GTSE1: variants seen among roughly 807,000 people sequenced by gnomAD.
GTSE1 encodes G2 and S phase-expressed protein 1.
A neutral mutation model predicts 60.5 loss-of-function variants in GTSE1; 52 were observed. That is an observed-to-expected ratio of 0.86 (90% CI 0.69 to 1.08). The LOEUF (loss-of-function observed/expected upper bound fraction) is 1.08. Among genes scored for constraint, GTSE1 ranks in the 50% least tolerant of loss-of-function variants. The pLI is 0.00. For synonymous variants in GTSE1, 368 were observed against 386.5 expected (o/e 0.95, Z 0.56); for missense variants, 937 against 961.8 (o/e 0.97, Z 0.34).
intron 2 of GTSE1, among the ~76,000 whole-genome samples, chr22:46,299,959 A>AT (rs130640): frequency 0.17 from 17,116 of 100,150 alleles, 1,932 homozygotes; most frequent in Non-Finnish European, 0.22. Context: ...CGCCCAGCTA[A>AT]TTTTTTTTTT....
chr22:46,326,504 G>T lies in GTSE1; in HGVS notation c.1574G>T (p.Trp525Leu). 1 of 1,613,992 alleles carries T rather than the reference G, an allele frequency of 6.2e-7. No individual in the cohort carries two copies. Among genetic ancestry groups the T allele is most frequent in the Non-Finnish European group, 8.5e-7 (1 of 1,179,896 alleles). ...GPAPQSLLSA[W>L]RVSALPTPAS... ...GCACCACAAAGCCTGCTGAGCGCATGGCGTGTGTCAGCCTTGCCCACACCC... is the reference window on the plus strand; with the variant it reads ...GCACCACAAAGCCTGCTGAGCGCATTGCGTGTGTCAGCCTTGCCCACACCC... Residue 525 changes from tryptophan (W) to leucine (L), a missense_variant, in exon 9 of 12, where the codon TGG (tryptophan) becomes TTG (leucine). Physicochemically the swap from Trp to Leu is moderately conservative, Grantham distance 61. Transcript: ENST00000454366.
chr22:46,328,791 T>C lies in GTSE1; in HGVS notation c.1828T>C (p.Phe610Leu), dbSNP rs769697000. 1 of 1,614,018 alleles carries C rather than the reference T, an allele frequency of 6.2e-7. No individual in the cohort carries two copies. Among genetic ancestry groups the C allele is most frequent in the Non-Finnish European group, 8.5e-7 (1 of 1,179,878 alleles). Residue 610 changes from phenylalanine (F) to leucine (L), a missense_variant, in exon 10 of 12, where the codon TTT becomes CTT. By Grantham distance (22) the Phe-to-Leu change is conservative. Coordinates refer to ENST00000454366, the MANE Select transcript of GTSE1 (RefSeq NM_016426.7). Reference protein sequence around the residue: ...PPSRVPQALNFSPEESDSTFS... With the variant: ...PPSRVPQALNLSPEESDSTFS... ...TTCCCGTGTGCCTCAGGCACTTAAC[T>C]TTTCTCCAGAGGAAAGCGATTCTAC...
chr22:46,330,223 T>C lies in GTSE1; in HGVS notation c.*93T>C, dbSNP rs1327116913. The C allele has an allele frequency of 1.3e-6, 1 of 772,208 alleles. No individual in the cohort carries two copies. Among genetic ancestry groups the C allele is most frequent in the African/African-American group, 1.7e-5 (1 of 59,020 alleles). The allele number at this position is 772,208 out of a possible 1,614,324, so 47.8% of individuals were successfully genotyped here. On this transcript the variant is annotated 3_prime_UTR_variant, in exon 12 of 12. Transcript: ENST00000454366. This position sits in a 1 kb window ranked among gnomAD's most constrained non-coding sequence, Gnocchi z 6.0. ...TAGGCTGGTCGCAGTGGCTTACACT[T>C]GTAACCCTAGAACTTGGGAGGCTGA...
intron 9 of GTSE1, 69 bp downstream of exon 9, chr22:46,326,723 C>G (rs910219767): frequency 5.2e-5 from 56 of 1,080,426 alleles, no homozygotes; most frequent in African/African-American, 1.6e-5. Context: ...AGTGACATAC[C>G]TTTTTCTTGC....
Position 46,308,462 on chromosome 22 carries a change from C to T in GTSE1, c.281C>T (p.Ala94Val), listed in dbSNP as rs554970789. ...SESPFAWSPL[A>V]GEKFVEVYKE... ...AGTCCCTTTGCCTGGAGCCCTCTGG[C>T]CGGGGAGAAGTTCGTGGAGGTGTAC... is the stretch of plus-strand genomic sequence containing the variant. The change falls in exon 4 of 12, where the codon GCC becomes GTC. Residue 94 changes from alanine (A) to valine (V), a missense_variant. By Grantham distance (64) the Ala-to-Val change is moderately conservative (BLOSUM62 0). Coordinates refer to ENST00000454366, the MANE Select transcript of GTSE1 (RefSeq NM_016426.7). 2 of 1,614,056 alleles carry T rather than the reference C, an allele frequency of 1.2e-6. No homozygotes were observed. The highest frequency in any genetic ancestry group is 1.3e-5 in the African/African-American group (1 of 74,910).
At position 46,304,511 on chromosome 22, in the gene GTSE1, C is replaced by T. The variant is rs2077706085; in HGVS notation, c.80-3639C>T. Among the ~76,000 whole-genome samples, 1 of 152,168 alleles carries T rather than the reference C, an allele frequency of 6.6e-6. No homozygotes were observed. Among genetic ancestry groups the T allele is most frequent in the Non-Finnish European group, 1.5e-5 (1 of 68,038 alleles). On this transcript the variant is annotated intron_variant, in intron 2 of 11. Transcript: ENST00000454366. This position sits in a 1 kb window ranked among gnomAD's most constrained non-coding sequence, Gnocchi z 4.4. ...TGTATTTTATCATATGCCCGTTCAA[C>T]ATATGTGCAGACGATCATGGTTTTC...
In GTSE1 at chr22:46,310,201, G is replaced by T. The variant is rs1407334431; in HGVS notation, c.762+1258G>T. 6.6e-6 allele frequency among the ~76,000 whole-genome samples: 1 copy of T among 152,228 alleles called. No individual in the cohort carries two copies. Among genetic ancestry groups the T allele is most frequent in the Non-Finnish European group, 1.5e-5 (1 of 68,034 alleles). On this transcript the variant is annotated intron_variant, in intron 4 of 11. Transcript: ENST00000454366. The surrounding 1 kb of genome is among the most constrained non-coding windows in gnomAD (Gnocchi z 4.4). The stretch of plus-strand genomic sequence containing the variant: ...GTCATTAGCAATGGGTGGACCACTT[G>T]AGTGTAACACCTACTTACAAGTGTG...
chr22:46,324,398 C>T lies in GTSE1; in HGVS notation c.1505+1136C>T, dbSNP rs993291524. 4.0e-5 allele frequency among the ~76,000 whole-genome samples: 6 copies of T among 151,788 alleles called. No homozygotes were observed. The highest frequency in any genetic ancestry group is 1.2e-4 in the African/African-American group (5 of 41,294). ...TTTCTTTTTTTTTGAGACAGAGTCT[C>T]ACTCTGTCACCCAGGCTGGAGGGCA... On this transcript the variant is annotated intron_variant, in intron 8 of 11. Coordinates refer to ENST00000454366, the MANE Select transcript of GTSE1 (RefSeq NM_016426.7). The surrounding 1 kb of genome is among the most constrained non-coding windows in gnomAD (Gnocchi z 5.2).
intron 2 of GTSE1, among the ~76,000 whole-genome samples, chr22:46,298,621 A>G (rs1452262215): frequency 1.3e-5 from 2 of 152,182 alleles, no homozygotes; most frequent in Non-Finnish European, 2.9e-5. Context: ...AGCATCCTCA[A>G]TGCCTCCATT....
chr22:46,326,863 G>A lies in GTSE1; in HGVS notation c.1724+209G>A, dbSNP rs1235792507. 24 of 479,310 alleles carry A rather than the reference G, an allele frequency of 5.0e-5. No individual in the cohort carries two copies. In the East Asian group the frequency reaches 8.6e-4, roughly 17 times the overall value. 29.7% of individuals were successfully genotyped at this position (479,310 alleles called of 1,614,324 possible). A position where few individuals can be genotyped will look rare whatever the true frequency, so the allele number is the denominator to read the frequency against. ...AAGGTATTACAAGGAAATACTGCGT[G>A]TAATTCTCTGATAATCAATTTGAAA... On this transcript the variant is annotated intron_variant, in intron 9 of 11. Coordinates refer to ENST00000454366, the MANE Select transcript of GTSE1 (RefSeq NM_016426.7).
In GTSE1 at chr22:46,324,376, C is replaced by CT. The variant is rs1049788379; in HGVS notation, c.1505+1123dup. Among the ~76,000 whole-genome samples the CT allele has an allele frequency of 3.3e-5, 5 of 149,910 alleles. No homozygotes were observed. Among genetic ancestry groups the CT allele is most frequent in the Non-Finnish European group, 4.4e-5 (3 of 67,706 alleles). On this transcript the variant is annotated intron_variant, in intron 8 of 11. Transcript: ENST00000454366. The surrounding 1 kb of genome is among the most constrained non-coding windows in gnomAD (Gnocchi z 5.2). ...TTTATTGGAATTTTTCTTTTCTTTT[C>CT]TTTTTTTTTGAGACAGAGTCTCACT...
Position 46,297,233 on chromosome 22 carries a change from G to T in GTSE1, c.-21-147G>T. ...CGGGCCCTGGGGTCCCCTGGGATGC[G>T]ATCATTTCAGAGCGGCCCCCGCGCC... is the stretch of plus-strand genomic sequence containing the variant. On this transcript the variant is annotated intron_variant, in intron 1 of 11. Transcript: ENST00000454366. This position sits in a 1 kb window ranked among gnomAD's most constrained non-coding sequence, Gnocchi z 4.9. The T allele has an allele frequency of 3.2e-6, 2 of 618,508 alleles. No homozygotes were observed. Among genetic ancestry groups the T allele is most frequent in the South Asian group, 1.8e-5 (1 of 54,246 alleles). 38.3% of individuals were successfully genotyped at this position (618,508 alleles called of 1,614,324 possible). A position where few individuals can be genotyped will look rare whatever the true frequency, so the allele number is the denominator to read the frequency against.
Position 46,309,076 on chromosome 22 carries a change from C to A in GTSE1, c.762+133C>A. On this transcript the variant is annotated intron_variant, in intron 4 of 11. Coordinates refer to ENST00000454366, the MANE Select transcript of GTSE1 (RefSeq NM_016426.7). This position sits in a 1 kb window ranked among gnomAD's most constrained non-coding sequence, Gnocchi z 6.2. ...CCTACAAAACACAGGAATGCGGAGT[C>A]CAGGAAAAGCAGTTGCCAATAGGGA... 2 of 1,021,478 alleles carry A rather than the reference C, an allele frequency of 2.0e-6. No individual in the cohort carries two copies. The highest frequency in any genetic ancestry group is 2.8e-6 in the Non-Finnish European group (2 of 718,960). 63.3% of individuals were successfully genotyped at this position (1,021,478 alleles called of 1,614,324 possible).
rs1043717020 is a variant in GTSE1 at position 46,304,051 on chromosome 22, A to G, written c.80-4099A>G. On this transcript the variant is annotated intron_variant, in intron 2 of 11. Transcript: ENST00000454366. The surrounding 1 kb of genome is among the most constrained non-coding windows in gnomAD (Gnocchi z 4.4). ...GACAGTGTCTCTTGCTCTATTGCCC[A>G]GGATGGAGTGCAGTGGCTTGATCAT... 2.6e-5 allele frequency among the ~76,000 whole-genome samples: 4 copies of G among 152,192 alleles called. No individual in the cohort carries two copies. Among genetic ancestry groups the G allele is most frequent in the Non-Finnish European group, 5.9e-5 (4 of 68,038 alleles).
At position 46,321,706 on chromosome 22, in the gene GTSE1, CTTGT is replaced by C. The variant is rs1165827705; in HGVS notation, c.1433-1479_1433-1476del. Among the ~76,000 whole-genome samples, 3 of 152,168 alleles carry C rather than the reference CTTGT, an allele frequency of 2.0e-5. No homozygotes were observed. The highest frequency in any genetic ancestry group is 4.4e-5 in the Non-Finnish European group (3 of 68,030). On this transcript the variant is annotated intron_variant, in intron 7 of 11. Transcript: ENST00000454366. This position sits in a 1 kb window ranked among gnomAD's most constrained non-coding sequence, Gnocchi z 4.0. Reference sequence around the variant, plus strand: ...AAGCAGAGCTGGGTGTGGTGGGAGACTTGTTTGTCTCATAAAATTTTAACCTTCA... The same window carrying C: ...AAGCAGAGCTGGGTGTGGTGGGAGACTTGTCTCATAAAATTTTAACCTTCA...
In GTSE1 at chr22:46,329,603, C is replaced by T; in HGVS notation, c.2136+36C>T. On this transcript the variant is annotated intron_variant, in intron 11 of 11. Transcript: ENST00000454366. This position sits in a 1 kb window ranked among gnomAD's most constrained non-coding sequence, Gnocchi z 6.4. Reference sequence around the variant, plus strand: ...GCAGGTGGTTCATGTTGACTCAGCCCTGGGTGTCCTCAGTTCTGGGATTGT... The same window carrying T: ...GCAGGTGGTTCATGTTGACTCAGCCTTGGGTGTCCTCAGTTCTGGGATTGT... 6.5e-7 allele frequency: 1 copy of T among 1,530,372 alleles called. No homozygotes were observed. Among genetic ancestry groups the T allele is most frequent in the East Asian group, 2.2e-5 (1 of 44,520 alleles). The allele number at this position is 1,530,372 out of a possible 1,614,324, so 94.8% of individuals were successfully genotyped here.
Position 46,319,857 on chromosome 22 carries a change from A to G in GTSE1, c.1433-3333A>G, listed in dbSNP as rs2077802227. On this transcript the variant is annotated intron_variant, in intron 7 of 11. Coordinates refer to ENST00000454366, the MANE Select transcript of GTSE1 (RefSeq NM_016426.7). The surrounding 1 kb of genome is among the most constrained non-coding windows in gnomAD (Gnocchi z 5.0). Reference sequence around the variant, plus strand: ...AAAAATTAGCCAGGCATGGTGGCGCATGCCTGTAATCCCAGCTACTTGGGA... The same window carrying G: ...AAAAATTAGCCAGGCATGGTGGCGCGTGCCTGTAATCCCAGCTACTTGGGA... 6.6e-6 allele frequency among the ~76,000 whole-genome samples: 1 copy of G among 152,012 alleles called. No individual in the cohort carries two copies. The highest frequency in any genetic ancestry group is 1.5e-5 in the Non-Finnish European group (1 of 68,000).
Position 46,304,482 on chromosome 22 carries a change from A to G in GTSE1, c.80-3668A>G, listed in dbSNP as rs1399917089. ...TAAGAGCCTCTAAAATCAAGAATGT[A>G]TGTTGTATTTTATCATATGCCCGTT... On this transcript the variant is annotated intron_variant, in intron 2 of 11. Transcript: ENST00000454366. The surrounding 1 kb of genome is among the most constrained non-coding windows in gnomAD (Gnocchi z 4.4). Among the ~76,000 whole-genome samples, 1 of 152,172 alleles carries G rather than the reference A, an allele frequency of 6.6e-6. No homozygotes were observed. Among genetic ancestry groups the G allele is most frequent in the Admixed American group, 6.5e-5 (1 of 15,272 alleles).
At chr22:46,299,365 C>T (rs916734112) in intron 2 of GTSE1, among the ~76,000 whole-genome samples, 2 of 152,250 alleles carry the variant, frequency 1.3e-5, no homozygotes, top group Admixed American at 6.5e-5. Flanking sequence ...GCCTCTCCTC[C>T]GAGCTCTGGG....
Sources: gnomAD v4.1 joint callset for allele counts (sites outside exome capture counted in the v4.1 genomes callset) on GRCh38, gnomAD v4.1.1 for gene constraint, Gnocchi (gnomAD v3.1) non-coding constraint, MANE v1.5 for transcripts, NCBI Gene and HGNC (gene_info 2026-07-23, HGNC 2026-07-21) for gene names.